GLRB: variants seen among roughly 807,000 people sequenced by gnomAD.
The protein encoded by GLRB is glycine receptor subunit beta.
Under a neutral mutation model 54.2 loss-of-function variants are expected in GLRB, and 33 were observed. The ratio of observed to expected loss-of-function variants is 0.61; its 90% CI spans 0.46 to 0.81. GLRB has a LOEUF of 0.81. Among genes scored for constraint, GLRB ranks in the 40% least tolerant of loss-of-function variants. The probability of loss-of-function intolerance (pLI) is 0.00; values close to 1 mark genes in which losing one functional copy is unlikely to be tolerated. For missense variants in GLRB, 572 were observed against 584.6 expected, an observed-to-expected ratio of 0.98 and a Z score of 0.22; for synonymous variants, 209 against 208.2, an observed-to-expected ratio of 1.00 and a Z score of -0.03.
chr4:157,139,744 C>T (rs529325346), intron 7 of GLRB, among the ~76,000 whole-genome samples: 16 of 151,830 alleles, frequency 1.1e-4, no homozygotes, highest in African/African-American at 3.1e-4. Context: ...TTGCAGAATC[C>T]TAATTCTGCC....
intron 4 of GLRB, among the ~76,000 whole-genome samples, chr4:157,130,695 G>A (rs1736182332): frequency 6.6e-6 from 1 of 151,640 alleles, no homozygotes; most frequent in South Asian, 2.1e-4. Context: ...TGTAAATAAT[G>A]TTGCTATGAA....
chr4:157,116,651 T>C (rs910818981), intron 2 of GLRB, among the ~76,000 whole-genome samples: 1 of 151,792 alleles, frequency 6.6e-6, no homozygotes, highest in Non-Finnish European at 1.5e-5. Context: ...ACTGTATCCA[T>C]TTAATCTCTT....
chr4:157,120,606 A>G lies in GLRB; in HGVS notation c.173A>G (p.Asn58Ser). ...CGAGTACCTGCCAACTCCACTAGCA[A>G]TATCTTGAACAGGTTATTGGTCAGT... is the stretch of plus-strand genomic sequence containing the variant. The part of the protein sequence containing the change: ...LARVPANSTS[N>S]ILNRLLVSYD... Residue 58 changes from asparagine to serine, a missense_variant, in exon 3 of 10, where the codon AAT becomes AGT. Physicochemically the swap from Asn to Ser is conservative, Grantham distance 46 (BLOSUM62 1). Coordinates refer to ENST00000264428, the MANE Select transcript of GLRB (RefSeq NM_000824.5). The G allele has an allele frequency of 6.2e-7, 1 of 1,602,000 alleles. No individual in the cohort carries two copies. Among genetic ancestry groups the G allele is most frequent in the Non-Finnish European group, 8.5e-7 (1 of 1,171,250 alleles).
intron 8 of GLRB, among the ~76,000 whole-genome samples, chr4:157,151,167 A>G (rs1220235816): frequency 6.6e-6 from 1 of 152,152 alleles, no homozygotes; most frequent in African/African-American, 2.4e-5. Flanking sequence ...ATGAAATACT[A>G]TGGAAACAGA....
chr4:157,151,064 A>G (rs1404587155), intron 8 of GLRB, among the ~76,000 whole-genome samples: 1 of 152,236 alleles, frequency 6.6e-6, no homozygotes, highest in African/African-American at 2.4e-5. Context: ...ATTATTCTCT[A>G]TTTCATCATA....
intron 8 of GLRB, among the ~76,000 whole-genome samples, chr4:157,146,298 A>T (rs1041839621): frequency 4.6e-5 from 7 of 151,128 alleles, no homozygotes; most frequent in African/African-American, 1.7e-4. Flanking sequence ...TACAGGCGTG[A>T]GCCACTGCAC....
intron 2 of GLRB, among the ~76,000 whole-genome samples, chr4:157,093,780 A>G (rs35907666): frequency 7.0e-6 from 1 of 142,758 alleles, no homozygotes; most frequent in South Asian, 2.3e-4. Flanking sequence ...AAAAAAAAAT[A>G]CATGGTTCCC....
intron 2 of GLRB, among the ~76,000 whole-genome samples, chr4:157,105,893 C>T (rs965132272): frequency 6.6e-5 from 10 of 151,772 alleles, no homozygotes; most frequent in African/African-American, 2.4e-4. Context: ...CTATGTGTAT[C>T]CTTAAATCGA....
At chr4:157,153,150 C>T in intron 9 of GLRB, 140 bp downstream of exon 9, 1 of 792,694 alleles carries the variant, frequency 1.3e-6, no homozygotes, top group Non-Finnish European at 2.1e-6. Context: ...ACAAACTGAG[C>T]ACAACACAAT....
At chr4:157,169,959 G>A (rs891253000) in intron 9 of GLRB, among the ~76,000 whole-genome samples, 4 of 152,064 alleles carry the variant, frequency 2.6e-5, no homozygotes, top group Non-Finnish European at 5.9e-5. Flanking sequence ...CTGTCTCATT[G>A]GAGAGATAAA....
chr4:157,137,210 T>G (rs1480551838), intron 6 of GLRB, among the ~76,000 whole-genome samples: 1 of 152,140 alleles, frequency 6.6e-6, no homozygotes, highest in Non-Finnish European at 1.5e-5. Context: ...CAATAGCATT[T>G]CTGATGTTAA....
intron 2 of GLRB, among the ~76,000 whole-genome samples, chr4:157,114,899 T>A (rs1735550804): frequency 6.6e-6 from 1 of 151,550 alleles, no homozygotes; most frequent in Non-Finnish European, 1.5e-5. Context: ...CTGAGGAGAG[T>A]GCCCGTGGAG....
chr4:157,103,190 C>A (rs2126486790), intron 2 of GLRB, among the ~76,000 whole-genome samples: 1 of 150,986 alleles, frequency 6.6e-6, no homozygotes, highest in Admixed American at 6.6e-5. Flanking sequence ...GAAGTAGGGA[C>A]AATAGGGACA....
At chr4:157,149,946 G>T (rs1192873535) in intron 8 of GLRB, among the ~76,000 whole-genome samples, 1 of 151,256 alleles carries the variant, frequency 6.6e-6, no homozygotes, top group Non-Finnish European at 1.5e-5. Context: ...ATGCTGTTAG[G>T]GAATTATTTT....
chr4:157,108,228 G>C (rs182854205), intron 2 of GLRB, among the ~76,000 whole-genome samples: 1 of 152,174 alleles, frequency 6.6e-6, no homozygotes, highest in East Asian at 1.9e-4. Flanking sequence ...GAATCAAGGA[G>C]CCATTTTGAC....
intron 2 of GLRB, among the ~76,000 whole-genome samples, chr4:157,120,286 T>C (rs1735761818): frequency 6.7e-6 from 1 of 149,512 alleles, no homozygotes; most frequent in Non-Finnish European, 1.5e-5. Context: ...TAATGCTAAA[T>C]GACAAGTTAA....
At chr4:157,124,997 T>A (rs1034029953) in intron 4 of GLRB, among the ~76,000 whole-genome samples, 2 of 151,920 alleles carry the variant, frequency 1.3e-5, no homozygotes, top group Non-Finnish European at 2.9e-5. Context: ...AATGCTGTAA[T>A]ACCTTGTTGT....
intron 2 of GLRB, among the ~76,000 whole-genome samples, chr4:157,118,284 T>C (rs1358166987): frequency 6.6e-6 from 1 of 151,738 alleles, no homozygotes; most frequent in Admixed American, 6.6e-5. Context: ...CAAGTGTATT[T>C]TGTAATCAAT....
At chr4:157,144,419 G>A (rs1292265745) in intron 8 of GLRB, among the ~76,000 whole-genome samples, 1 of 152,124 alleles carries the variant, frequency 6.6e-6, no homozygotes, top group Admixed American at 6.5e-5. Context: ...GTTATTGTGT[G>A]CTATATCAGG....
Sources: gnomAD v4.1 joint callset for allele counts (sites outside exome capture counted in the v4.1 genomes callset) on GRCh38, gnomAD v4.1.1 for gene constraint, MANE v1.5 for transcripts, NCBI Gene and HGNC (gene_info 2026-07-23, HGNC 2026-07-21) for gene names.